Variants in GAREM1 observed in about 807,000 individuals in gnomAD.
GAREM1 encodes the protein GRB2 associated regulator of MAPK1 subtype 1, also known as GRB2-associated and regulator of MAPK protein 1.
In GAREM1, 26 loss-of-function variants were observed where a neutral mutation model predicts 71.3. That is an observed-to-expected ratio of 0.36 (90% CI 0.27 to 0.51). GAREM1 has a LOEUF of 0.51. Ranked by LOEUF, GAREM1 falls within the 20% of genes least tolerant of loss-of-function variation. The pLI, the probability that GAREM1 is intolerant of heterozygous loss-of-function variation, is 0.95. For missense variants in GAREM1, 1,026 were observed against 1,103.1 expected (o/e 0.93, Z 0.99); for synonymous variants, 440 against 433.2 (o/e 1.02, Z -0.20).
chr18:32,412,286 T>C (rs1267504460), intron 1 of GAREM1: 1 of 1,588,678 alleles, frequency 6.3e-7, no homozygotes, highest in Non-Finnish European at 8.5e-7. Flanking sequence ...TTCGTGGTTT[T>C]GCAAAGTACT....
chr18:32,413,226 C>A, intron 1 of GAREM1: 1 of 1,605,312 alleles, frequency 6.2e-7, no homozygotes, highest in Non-Finnish European at 8.5e-7. Flanking sequence ...GCGGCGTCCA[C>A]GGGCAGAAAG....
intron 2 of GAREM1, among the ~76,000 whole-genome samples, chr18:32,344,266 T>C (rs1027614758): frequency 3.9e-5 from 6 of 152,212 alleles, no homozygotes; most frequent in Non-Finnish European, 8.8e-5. Flanking sequence ...GCTGCATTCC[T>C]GTTGAAATCT....
intron 2 of GAREM1, among the ~76,000 whole-genome samples, chr18:32,379,652 C>T (rs2144639214): frequency 6.6e-6 from 1 of 151,660 alleles, no homozygotes; most frequent in South Asian, 2.1e-4. Context: ...TTGCAGTGAG[C>T]CAAGATCACA....
At chr18:32,431,685 GAT>G (rs1354324038) in intron 1 of GAREM1, among the ~76,000 whole-genome samples, 3 of 152,086 alleles carry the variant, frequency 2.0e-5, no homozygotes, top group Admixed American at 2.0e-4. Context: ...TCTAGTGAAA[GAT>G]ATAAATTTAC....
intron 3 of GAREM1, among the ~76,000 whole-genome samples, chr18:32,295,013 A>G (rs1163983297): frequency 1.3e-5 from 2 of 152,124 alleles, no homozygotes; most frequent in Admixed American, 6.6e-5. Flanking sequence ...TTTAATAAAA[A>G]TGTTGATTCT....
intron 1 of GAREM1, among the ~76,000 whole-genome samples, chr18:32,403,526 C>T (rs140242526): frequency 1.1e-3 from 166 of 152,284 alleles, no homozygotes; most frequent in African/African-American, 3.3e-3. Context: ...TACCCAGTTC[C>T]TCACCCTAAC....
intron 1 of GAREM1, among the ~76,000 whole-genome samples, chr18:32,445,635 G>T (rs1041401693): frequency 4.6e-5 from 7 of 152,130 alleles, no homozygotes; most frequent in Non-Finnish European, 8.8e-5. Flanking sequence ...AAGCTGACTG[G>T]TTGAAGCTAA....
chr18:32,317,764 C>T (rs1297724549), intron 2 of GAREM1, among the ~76,000 whole-genome samples: 1 of 148,690 alleles, frequency 6.7e-6, no homozygotes, highest in Non-Finnish European at 1.5e-5. Flanking sequence ...GGGAAAAATG[C>T]TGAGTATTAC....
At chr18:32,375,411 T>C (rs1003418575) in intron 2 of GAREM1, among the ~76,000 whole-genome samples, 1 of 150,644 alleles carries the variant, frequency 6.6e-6, no homozygotes, top group African/African-American at 2.4e-5. Flanking sequence ...AAAGGTTTCT[T>C]CACAGGTTCG....
At chr18:32,450,697 C>A (rs1262785176) in intron 1 of GAREM1, among the ~76,000 whole-genome samples, 1 of 152,160 alleles carries the variant, frequency 6.6e-6, no homozygotes, top group African/African-American at 2.4e-5. Flanking sequence ...ATACCTCCAG[C>A]CTTTAGCACT....
intron 2 of GAREM1, among the ~76,000 whole-genome samples, chr18:32,331,149 C>T (rs1219261327): frequency 6.6e-6 from 1 of 152,086 alleles, no homozygotes; most frequent in Non-Finnish European, 1.5e-5. Flanking sequence ...TGGTGGGTAG[C>T]AACAGTTTAA....
At chr18:32,347,283 T>G (rs2047705677) in intron 2 of GAREM1, among the ~76,000 whole-genome samples, 1 of 152,160 alleles carries the variant, frequency 6.6e-6, no homozygotes. Context: ...AAGGATCACT[T>G]GAGCCAGGAG....
rs1246230567 is a variant in GAREM1 at position 32,287,536 on chromosome 18, C to G, written c.1061G>C (p.Cys354Ser). The G allele has an allele frequency of 6.2e-7, 1 of 1,614,084 alleles. No homozygotes were observed. Among genetic ancestry groups the G allele is most frequent in the Non-Finnish European group, 8.5e-7 (1 of 1,180,058 alleles). The change falls in exon 4 of 6, where the codon TGC becomes TCC. Residue 354 changes from cysteine (C) to serine (S), a missense_variant. Cys to Ser is a moderately radical substitution (Grantham distance 112). This residue lies in a region of GAREM1 where 218 missense variants were observed against 296.8 expected (regional missense o/e 0.73). Coordinates refer to ENST00000269209, the MANE Select transcript of GAREM1 (RefSeq NM_001242409.2). The surrounding 1 kb of genome is among the most constrained non-coding windows in gnomAD (Gnocchi z 5.9). ...GCACCGACCCTTCTTGGGGCTCTTG[C>G]ATTCTTCATTCCAGTCGGTTTTCAC... ...RDVKTDWNEECKSPKKGRCSG... is the reference protein window; with the variant it reads ...RDVKTDWNEESKSPKKGRCSG...
chr18:32,397,393 G>A (rs149463820), intron 1 of GAREM1, among the ~76,000 whole-genome samples: 12 of 152,258 alleles, frequency 7.9e-5, no homozygotes, highest in African/African-American at 2.6e-4. Context: ...TCAGTGTGCT[G>A]TATACAGGAG....
chr18:32,394,682 C>T (rs2048233645), intron 1 of GAREM1, among the ~76,000 whole-genome samples: 1 of 152,076 alleles, frequency 6.6e-6, no homozygotes, highest in Admixed American at 6.6e-5. Flanking sequence ...CCTTTGTATC[C>T]CTCAACCACC....
intron 1 of GAREM1, among the ~76,000 whole-genome samples, chr18:32,446,690 T>G (rs184438231): frequency 5.3e-5 from 8 of 152,332 alleles, no homozygotes; most frequent in African/African-American, 1.9e-4. Flanking sequence ...TATTTCTCTA[T>G]TTCCTATTTT....
chr18:32,418,178 G>T (rs1261479252), intron 1 of GAREM1, among the ~76,000 whole-genome samples: 1 of 152,076 alleles, frequency 6.6e-6, no homozygotes, highest in African/African-American at 2.4e-5. Flanking sequence ...AAACACCAAG[G>T]AGACTAAAAT....
intron 2 of GAREM1, among the ~76,000 whole-genome samples, chr18:32,324,382 C>T (rs1168396103): frequency 2.0e-5 from 3 of 152,178 alleles, no homozygotes; most frequent in Admixed American, 2.0e-4. Context: ...CACAGCCTAA[C>T]AGTAAACTCC....
chr18:32,280,049 C>T (rs556284225), intron 4 of GAREM1, among the ~76,000 whole-genome samples: 4 of 152,250 alleles, frequency 2.6e-5, no homozygotes, highest in East Asian at 3.9e-4. Context: ...AAATGCCCTA[C>T]GAAACCTCAT....
Sources: allele counts gnomAD v4.1 joint callset (sites outside exome capture counted in the v4.1 genomes callset), GRCh38; gene constraint gnomAD v4.1.1; regional missense constraint gnomAD v4.1.1; non-coding constraint Gnocchi (gnomAD v3.1); transcripts MANE v1.5; gene names NCBI Gene and HGNC (gene_info 2026-07-23, HGNC 2026-07-21).